The following SKAP1 variants were observed in gnomAD, a reference collection of about 807,000 sequenced individuals.
SKAP1 encodes the protein src kinase-associated phosphoprotein 1.
SKAP1 carries 44 observed loss-of-function variants against 58.5 expected under a neutral mutation model. The observed-to-expected ratio is 0.75, with a 90% CI of 0.59 to 0.97. The LOEUF (loss-of-function observed/expected upper bound fraction) is 0.97, where lower values mean the gene tolerates loss of function less well. SKAP1 is among the 50% of genes least tolerant of loss of function. SKAP1 has a pLI of 0.00. For synonymous variants in SKAP1, 127 were observed against 149.7 expected (o/e 0.85, Z 1.11); for missense variants, 390 against 435.2 (o/e 0.90, Z 0.92).
chr17:48,368,730 C>T (rs1426752625), intron 2 of SKAP1, among the ~76,000 whole-genome samples: 1 of 152,206 alleles, frequency 6.6e-6, no homozygotes, highest in African/African-American at 2.4e-5. Context: ...ATCATTTTTA[C>T]ATTCAGTAAA....
chr17:48,325,787 AG>A (rs1380036315), intron 4 of SKAP1, among the ~76,000 whole-genome samples: 2 of 152,242 alleles, frequency 1.3e-5, no homozygotes, highest in Non-Finnish European at 2.9e-5. Context: ...GGATTACCAA[AG>A]TACAATCTAG....
upstream of SKAP1, chr17:48,430,337 A>G (rs948693931): frequency 5.0e-5 from 13 of 259,194 alleles, no homozygotes; most frequent in African/African-American, 2.9e-4. Flanking sequence ...GCGTGGGTGC[A>G]CGTGGCGCTC....
chr17:48,255,303 T>C lies in SKAP1; in HGVS notation c.281-65803A>G, dbSNP rs6504135. ...CTGTTTGCACTCATTAAAGGTGACC[T>C]CCACTACTTTCTGGGTCTCCCATTT... On this transcript the variant is annotated intron_variant, in intron 4 of 12. Coordinates refer to ENST00000336915, the MANE Select transcript of SKAP1 (RefSeq NM_003726.4). Among the ~76,000 whole-genome samples the C allele has an allele frequency of 7.8e-4, 118 of 151,866 alleles. 2 individuals are homozygous for C. The highest frequency in any genetic ancestry group is 3.4e-3 in the Middle Eastern group (1 of 294).
chr17:48,233,418 TGTTTGGCAAAG>T (rs2065145210), intron 4 of SKAP1, among the ~76,000 whole-genome samples: 1 of 152,152 alleles, frequency 6.6e-6, no homozygotes, highest in African/African-American at 2.4e-5. Context: ...GTGTTGTCCC[TGTTTGGCAAAG>T]GTTTGGTGAT....
At chr17:48,281,098 T>C (rs1286416034) in intron 4 of SKAP1, among the ~76,000 whole-genome samples, 2 of 152,152 alleles carry the variant, frequency 1.3e-5, no homozygotes, top group Non-Finnish European at 2.9e-5. Flanking sequence ...TGATCTTGGC[T>C]CACTGCAATC....
At chr17:48,236,860 G>A (rs931784125) in intron 4 of SKAP1, among the ~76,000 whole-genome samples, 1 of 152,202 alleles carries the variant, frequency 6.6e-6, no homozygotes, top group Non-Finnish European at 1.5e-5. Flanking sequence ...AGTCAAAATA[G>A]TAATATCTAC....
At chr17:48,376,071 T>C (rs772744054) in intron 2 of SKAP1, among the ~76,000 whole-genome samples, 5 of 152,230 alleles carry the variant, frequency 3.3e-5, no homozygotes, top group Non-Finnish European at 7.3e-5. Context: ...TACTGTATTC[T>C]AAACTGTTGT....
intron 4 of SKAP1, among the ~76,000 whole-genome samples, chr17:48,233,534 T>TAGTCCCAGCTACTCGGGA (rs1567831319): frequency 3.9e-5 from 6 of 151,988 alleles, no homozygotes; most frequent in African/African-American, 1.2e-4. Context: ...AAAATTTTAC[T>TAGTCCCAGCTACTCGGGA]GTACTAATTG....
intron 1 of SKAP1, among the ~76,000 whole-genome samples, chr17:48,428,148 A>C (rs2067873761): frequency 6.6e-6 from 1 of 151,988 alleles, no homozygotes; most frequent in South Asian, 2.1e-4. Context: ...CACACTTTAC[A>C]TTTTTTTCTC....
At chr17:48,188,611 C>T (rs549821431) in intron 5 of SKAP1, among the ~76,000 whole-genome samples, 1 of 152,154 alleles carries the variant, frequency 6.6e-6, no homozygotes, top group East Asian at 1.9e-4. Context: ...TGCTTGAGCC[C>T]AGGATTGGAG....
At chr17:48,166,905 C>T (rs2064147850) in intron 10 of SKAP1, among the ~76,000 whole-genome samples, 2 of 151,942 alleles carry the variant, frequency 1.3e-5, no homozygotes, top group Admixed American at 1.3e-4. Flanking sequence ...TGCTCTGTCA[C>T]CCAGGCTGAA....
chr17:48,363,843 A>C, intron 2 of SKAP1, 29 bp from the exon 3 acceptor site: 1 of 1,598,068 alleles, frequency 6.3e-7, no homozygotes, highest in South Asian at 1.1e-5. Flanking sequence ...AAAAAAAGGG[A>C]ATAAGTCAAA....
intron 1 of SKAP1, among the ~76,000 whole-genome samples, chr17:48,417,926 T>C (rs779270833): frequency 6.6e-6 from 1 of 151,962 alleles, no homozygotes; most frequent in Non-Finnish European, 1.5e-5. Flanking sequence ...TATATACACA[T>C]AGATAGATGG....
intron 4 of SKAP1, among the ~76,000 whole-genome samples, chr17:48,252,938 A>G (rs2065382440): frequency 6.6e-6 from 1 of 152,170 alleles, no homozygotes. Flanking sequence ...TGGCATAGTA[A>G]GAGTTGTATT....
At chr17:48,303,618 G>C (rs1453179169) in intron 4 of SKAP1, among the ~76,000 whole-genome samples, 1 of 152,082 alleles carries the variant, frequency 6.6e-6, no homozygotes, top group Non-Finnish European at 1.5e-5. Context: ...AATTTTTGTG[G>C]CTATAGAACC....
At chr17:48,318,641 A>G (rs2066320313) in intron 4 of SKAP1, among the ~76,000 whole-genome samples, 1 of 152,222 alleles carries the variant, frequency 6.6e-6, no homozygotes, top group Admixed American at 6.5e-5. Context: ...CACGGCAGGA[A>G]GACTGCTTGA....
rs568115041 is a variant in SKAP1 at position 48,142,191 on chromosome 17, G to A, written c.979-4854C>T. 1.8e-4 allele frequency among the ~76,000 whole-genome samples: 23 copies of A among 129,192 alleles called. No homozygotes were observed. The Middle Eastern group carries it at 0.011, about 64-fold the overall frequency. 84.8% of individuals were successfully genotyped at this position (129,192 alleles called of 152,430 possible). ...ATACTTGTTAAATGAGGCCGGGCGC[G>A]GTGGCTCACACCTGTAATCCAGCAC... is the stretch of plus-strand genomic sequence containing the variant. On this transcript the variant is annotated intron_variant, in intron 11 of 12. Coordinates refer to ENST00000336915, the MANE Select transcript of SKAP1 (RefSeq NM_003726.4).
intron 4 of SKAP1, among the ~76,000 whole-genome samples, chr17:48,306,368 G>A (rs1019432603): frequency 2.0e-5 from 3 of 151,982 alleles, no homozygotes; most frequent in African/African-American, 7.2e-5. Context: ...CTACTTAGTG[G>A]TCCTGGACAA....
At position 48,133,755 on chromosome 17, in the gene SKAP1, G is replaced by T. The variant is rs1392317536; in HGVS notation, c.*69C>A. 6.6e-6 allele frequency: 1 copy of T among 152,586 alleles called. No homozygotes were observed. The highest frequency in any genetic ancestry group is 2.4e-5 in the African/African-American group (1 of 41,456). 9.5% of individuals were successfully genotyped at this position (152,586 alleles called of 1,614,324 possible). A position where few individuals can be genotyped will look rare whatever the true frequency, so the allele number is the denominator to read the frequency against. ...GCGTTGGTGGGGTGGCAGAAGTAGGGAGTGGGAACTTTTGATGATCAGTTT... is the reference window on the plus strand; with the variant it reads ...GCGTTGGTGGGGTGGCAGAAGTAGGTAGTGGGAACTTTTGATGATCAGTTT... On this transcript the variant is annotated 3_prime_UTR_variant, in exon 13 of 13. Transcript: ENST00000336915.
Sources: gnomAD v4.1 joint callset for allele counts (sites outside exome capture counted in the v4.1 genomes callset) on GRCh38, gnomAD v4.1.1 for gene constraint, MANE v1.5 for transcripts, NCBI Gene and HGNC (gene_info 2026-07-23, HGNC 2026-07-21) for gene names.